The following NAA35 variants were observed in gnomAD, a reference collection of about 807,000 sequenced individuals.
NAA35 encodes the protein MAK10 homolog, amino-acid N-acetyltransferase subunit.
Under a neutral mutation model 101.7 loss-of-function variants are expected in NAA35, and 18 were observed. That is an observed-to-expected ratio of 0.18 (90% CI 0.12 to 0.26). The LOEUF is 0.26. Among genes scored for constraint, NAA35 ranks in the 10% least tolerant of loss-of-function variants. The pLI is 1.00. For synonymous variants in NAA35, 267 were observed against 273.1 expected (o/e 0.98, Z 0.22); for missense variants, 601 against 886.8 (o/e 0.68, Z 4.09).
chr9:85,986,698 C>G (rs1830664467), intron 11 of NAA35: 1 of 310,370 alleles, frequency 3.2e-6, no homozygotes, highest in Non-Finnish European at 6.3e-6. Flanking sequence ...GATTCTCTTA[C>G]CTCACCCTCC....
chr9:85,971,453 C>G (rs1292862734), intron 6 of NAA35, among the ~76,000 whole-genome samples: 1 of 152,160 alleles, frequency 6.6e-6, no homozygotes, highest in African/African-American at 2.4e-5. Context: ...TAGAGTACTC[C>G]TGGACTCCCT....
At chr9:85,970,329 C>T (rs1020918255) in intron 6 of NAA35, among the ~76,000 whole-genome samples, 20 of 152,140 alleles carry the variant, frequency 1.3e-4, no homozygotes, top group Admixed American at 1.3e-3. Context: ...ATACTTATTT[C>T]TGGCAATCAA....
At chr9:85,999,441 T>C (rs1390959066) in intron 12 of NAA35, among the ~76,000 whole-genome samples, 1 of 152,240 alleles carries the variant, frequency 6.6e-6, no homozygotes, top group Non-Finnish European at 1.5e-5. Context: ...TTACCAGTTG[T>C]ATTGGTAAGC....
chr9:86,012,228 T>C (rs1030921682), intron 15 of NAA35, among the ~76,000 whole-genome samples: 3 of 151,564 alleles, frequency 2.0e-5, no homozygotes, highest in African/African-American at 7.3e-5. Context: ...CAAGAAGTTC[T>C]CTGCCTCAGC....
At position 86,004,621 on chromosome 9, in the gene NAA35, A is replaced by C. The variant is rs556255119; in HGVS notation, c.1116+977A>C. Among the ~76,000 whole-genome samples the C allele has an allele frequency of 5.3e-5, 8 of 152,348 alleles. No individual in the cohort carries two copies. The South Asian group carries it at 1.5e-3, about 28-fold the overall frequency. ...GAAAAACAATGGAGAAAATCAATGCAACCCAAAGCTCATTCTTTGAAAATA... is the reference window on the plus strand; with the variant it reads ...GAAAAACAATGGAGAAAATCAATGCCACCCAAAGCTCATTCTTTGAAAATA... On this transcript the variant is annotated intron_variant, in intron 13 of 22. Transcript: ENST00000361671.
At chr9:85,955,344 A>ATT in intron 2 of NAA35, among the ~76,000 whole-genome samples, 2 of 67,350 alleles carry the variant, frequency 3.0e-5, no homozygotes, top group Non-Finnish European at 5.8e-5. Context: ...ATATATATAT[A>ATT]TATATATATA....
intron 11 of NAA35, among the ~76,000 whole-genome samples, chr9:85,978,749 A>G (rs900772816): frequency 6.6e-6 from 1 of 152,152 alleles, no homozygotes; most frequent in East Asian, 1.9e-4. Flanking sequence ...CTGTTTCTCA[A>G]ATCTTCCTCC....
chr9:86,022,184 G>T lies in NAA35; in HGVS notation c.*224G>T. ...ATGGAAGAAACTGGTCTTATTGAATGCATTGATGAACGTTATATGGTTTTA... is the reference window on the plus strand; with the variant it reads ...ATGGAAGAAACTGGTCTTATTGAATTCATTGATGAACGTTATATGGTTTTA... On this transcript the variant is annotated 3_prime_UTR_variant, in exon 23 of 23. Coordinates refer to ENST00000361671, the MANE Select transcript of NAA35 (RefSeq NM_024635.4). The T allele has an allele frequency of 2.4e-6, 1 of 408,760 alleles. No individual in the cohort carries two copies. The highest frequency in any genetic ancestry group is 4.3e-6 in the Non-Finnish European group (1 of 232,270). 25.3% of individuals were successfully genotyped at this position (408,760 alleles called of 1,614,324 possible). A position where few individuals can be genotyped will look rare whatever the true frequency, so the allele number is the denominator to read the frequency against.
rs1346334656 is a variant in NAA35, at chr9:86,025,325, G to T, written c.*3365G>T. 5.3e-5 allele frequency among the ~76,000 whole-genome samples: 8 copies of T among 152,154 alleles called. No individual in the cohort carries two copies. The highest frequency in any genetic ancestry group is 1.2e-4 in the Non-Finnish European group (8 of 68,034). ...GACTGGGGCGAGCTCTTTCTTGAAG[G>T]GGTGGGGCAGAAGCTGGAAAGTCAG... On this transcript the variant is annotated 3_prime_UTR_variant, in exon 23 of 23. Transcript: ENST00000361671.
At chr9:85,980,493 A>G (rs1015516323) in intron 11 of NAA35, among the ~76,000 whole-genome samples, 6 of 152,226 alleles carry the variant, frequency 3.9e-5, no homozygotes, top group African/African-American at 1.4e-4. Context: ...ACGTTAGGAA[A>G]CAAGAAGGAA....
intron 6 of NAA35, among the ~76,000 whole-genome samples, chr9:85,971,332 G>T (rs1054821906): frequency 6.6e-6 from 1 of 152,048 alleles, no homozygotes; most frequent in African/African-American, 2.4e-5. Context: ...CGTTAGACCC[G>T]GTTGACACAC....
chr9:85,999,135 A>G (rs1050623472), intron 12 of NAA35, among the ~76,000 whole-genome samples: 3 of 152,170 alleles, frequency 2.0e-5, no homozygotes, highest in Non-Finnish European at 2.9e-5. Flanking sequence ...TTATTCTGTC[A>G]TAAGAATCAG....
chr9:85,956,793 A>C (rs11141161), intron 3 of NAA35, among the ~76,000 whole-genome samples: 13,883 of 152,272 alleles, frequency 0.091, 779 homozygotes, highest in Non-Finnish European at 0.13. Flanking sequence ...TGAATACCTG[A>C]GACTGGGTAG....
At chr9:86,015,221 C>G (rs1275520442) in intron 17 of NAA35, among the ~76,000 whole-genome samples, 1 of 152,130 alleles carries the variant, frequency 6.6e-6, no homozygotes, top group South Asian at 2.1e-4. Context: ...AAATGAGACG[C>G]AGATAAATAC....
Position 86,018,933 on chromosome 9 carries a change from A to G in NAA35, c.2037+112A>G, listed in dbSNP as rs907815514. 6.0e-6 allele frequency: 8 copies of G among 1,334,934 alleles called. No homozygotes were observed. In the Admixed American group the frequency reaches 2.0e-4, roughly 33 times the overall value. 82.7% of individuals were successfully genotyped at this position (1,334,934 alleles called of 1,614,324 possible). Reference sequence around the variant, plus strand: ...GAACTTTAATAGTGTTAGTGAATAGAACTTGGCGTGTTTCTGCGAAGGATT... The same window carrying G: ...GAACTTTAATAGTGTTAGTGAATAGGACTTGGCGTGTTTCTGCGAAGGATT... On this transcript the variant is annotated intron_variant, in intron 21 of 22. Transcript: ENST00000361671.
chr9:85,997,254 G>A (rs1038096186), intron 12 of NAA35, among the ~76,000 whole-genome samples: 5 of 151,276 alleles, frequency 3.3e-5, no homozygotes, highest in South Asian at 2.1e-4. Flanking sequence ...GAGCTACTGC[G>A]CTCTGCCTAG....
At position 86,017,479 on chromosome 9, in the gene NAA35, T is replaced by C. The variant is rs1287171713; in HGVS notation, c.1706-19T>C. The C allele has an allele frequency of 3.1e-6, 5 of 1,611,286 alleles. No homozygotes were observed. The East Asian group carries it at 8.9e-5, about 29-fold the overall frequency. ...GAGGAAAAGATTATGGAAGATTACG[T>C]TTTTCTTTCTAATTACAGTTCGCCC... On this transcript the variant is annotated intron_variant, in intron 18 of 22. Coordinates refer to ENST00000361671, the MANE Select transcript of NAA35 (RefSeq NM_024635.4).
intron 17 of NAA35, among the ~76,000 whole-genome samples, chr9:86,016,049 G>A (rs1387280599): frequency 6.6e-6 from 1 of 151,604 alleles, no homozygotes; most frequent in Non-Finnish European, 1.5e-5. Flanking sequence ...TAGATTTGAA[G>A]ACTTTTCTGG....
chr9:86,023,478 AAAC>A lies in NAA35; in HGVS notation c.*1522_*1524del, dbSNP rs1832656179. Among the ~76,000 whole-genome samples, 1 of 152,266 alleles carries A rather than the reference AAAC, an allele frequency of 6.6e-6. No homozygotes were observed. Among genetic ancestry groups the A allele is most frequent in the African/African-American group, 2.4e-5 (1 of 41,470 alleles). Reference sequence around the variant, plus strand: ...AACAGAATGAGCATGGACATTTGGCAAACAACCAAGAAGAGAGCCTGAAGCAAG... The same window carrying A: ...AACAGAATGAGCATGGACATTTGGCAAACCAAGAAGAGAGCCTGAAGCAAG... On this transcript the variant is annotated 3_prime_UTR_variant, in exon 23 of 23. Coordinates refer to ENST00000361671, the MANE Select transcript of NAA35 (RefSeq NM_024635.4).
Sources: allele counts gnomAD v4.1 joint callset (sites outside exome capture counted in the v4.1 genomes callset), GRCh38; gene constraint gnomAD v4.1.1; transcripts MANE v1.5; gene names NCBI Gene and HGNC (gene_info 2026-07-23, HGNC 2026-07-21).